The following CENPM variants were observed in gnomAD, a reference collection of about 807,000 sequenced individuals.
The protein encoded by CENPM is centromere protein M.
A neutral mutation model predicts 19.6 loss-of-function variants in CENPM; 14 were observed. The observed-to-expected ratio is 0.71, with a 90% confidence interval of 0.47 to 1.11. The LOEUF is 1.11. Among genes scored for constraint, CENPM ranks in the 50% most tolerant of loss-of-function variants. The probability of loss-of-function intolerance (pLI) is 0.00; values close to 1 mark genes in which losing one functional copy is unlikely to be tolerated. For synonymous variants in CENPM, 114 were observed against 101.5 expected, an observed-to-expected ratio of 1.12 and a Z score of -0.74; for missense variants, 239 against 228.4, an observed-to-expected ratio of 1.05 and a Z score of -0.30.
intron 5 of CENPM, among the ~76,000 whole-genome samples, chr22:41,942,611 C>T (rs941179060): frequency 3.3e-5 from 5 of 152,022 alleles, no homozygotes; most frequent in Admixed American, 1.3e-4. Flanking sequence ...ATTAGCTGGG[C>T]GTGGTGGTGG....
At chr22:41,940,733 C>T (rs2077731836) in intron 5 of CENPM, among the ~76,000 whole-genome samples, 1 of 152,306 alleles carries the variant, frequency 6.6e-6, no homozygotes, top group African/African-American at 2.4e-5. Context: ...GAGCCTAGAA[C>T]AGTGGTCGGT....
intron 4 of CENPM, among the ~76,000 whole-genome samples, chr22:41,944,367 C>T (rs750700041): frequency 1.4e-5 from 2 of 140,334 alleles, no homozygotes; most frequent in South Asian, 2.4e-4. Context: ...ACCAGGGAGA[C>T]GGTGGTTGCG....
chr22:41,932,264 T>C, the CENPM span, among the ~76,000 whole-genome samples: 1 of 152,150 alleles, frequency 6.6e-6, no homozygotes, highest in Non-Finnish European at 1.5e-5. The surrounding 1 kb of genome is among the most constrained non-coding windows in gnomAD (Gnocchi z 4.3). Context: ...CACAAACAAG[T>C]ACAATGCTAC....
At chr22:41,944,187 T>G (rs2077771745) in intron 4 of CENPM, 1 of 971,578 alleles carries the variant, frequency 1.0e-6, no homozygotes. Context: ...CTCAGGCCTG[T>G]AATCCCAGCA....
the CENPM span, among the ~76,000 whole-genome samples, chr22:41,931,314 T>TAA: frequency 7.1e-6 from 1 of 140,408 alleles, no homozygotes. Context: ...ATAAGAAATT[T>TAA]AAAAAAAAAA....
chr22:41,935,639 T>C (rs146823701), downstream of CENPM, among the ~76,000 whole-genome samples: 624 of 152,256 alleles, frequency 4.1e-3, 5 homozygotes, highest in African/African-American at 0.015. Flanking sequence ...CGAGGGGCTT[T>C]TTGCTGCGGG....
Position 41,939,945 on chromosome 22 carries a change from C to T in CENPM, c.403-749G>A, listed in dbSNP as rs180760807. 6.5e-4 allele frequency among the ~76,000 whole-genome samples: 96 copies of T among 147,326 alleles called. 1 individual carries two copies. Among genetic ancestry groups the T allele is most frequent in the African/African-American group, 2.1e-3 (83 of 39,320 alleles). On this transcript the variant is annotated intron_variant, in intron 5 of 5. Transcript: ENST00000215980. Reference sequence around the variant, plus strand: ...GTCTCTCTATTTCTGCCCTAGTTTCCCTTCAGTCCACTCTCCTCCCGGCAG... The same window carrying T: ...GTCTCTCTATTTCTGCCCTAGTTTCTCTTCAGTCCACTCTCCTCCCGGCAG...
At chr22:41,934,013 G>C (rs1439082145), downstream of CENPM, among the ~76,000 whole-genome samples, 1 of 152,258 alleles carries the variant, frequency 6.6e-6, no homozygotes, top group Admixed American at 6.5e-5. Context: ...GGGGCAGGCA[G>C]TGGGGCTTGG....
intron 2 of CENPM, 55 bp from the exon 3 acceptor site, chr22:41,946,060 C>A: frequency 1.4e-6 from 2 of 1,421,924 alleles, no homozygotes; most frequent in South Asian, 2.4e-5. Flanking sequence ...TCATAGCGAC[C>A]GTTTAAATGC....
Position 41,946,024 on chromosome 22 carries a change from C to T in CENPM, c.138-19G>A, listed in dbSNP as rs752962853. The stretch of plus-strand genomic sequence containing the variant: ...CAAGTGGCTGAAAAACAGGAAATTG[C>T]AGGACTCAAGATATCCGTACCCCCC... On this transcript the variant is annotated intron_variant, in intron 2 of 5. Coordinates refer to ENST00000215980, the MANE Select transcript of CENPM (RefSeq NM_024053.5). 2.5e-5 allele frequency: 40 copies of T among 1,601,966 alleles called. No individual in the cohort carries two copies. The highest frequency in any genetic ancestry group is 3.4e-5 in the Non-Finnish European group (40 of 1,169,732).
At chr22:41,945,483 C>G (rs888461614) in intron 3 of CENPM, 179 bp from the exon 4 acceptor site, 64 of 1,269,530 alleles carry the variant, frequency 5.0e-5, no homozygotes, top group Non-Finnish European at 6.0e-5. Flanking sequence ...TGGAGTTTCA[C>G]TTTGTTGCCC....
At chr22:41,934,202 C>CTAGGAAGGTCCTGCCTCCTTGG (rs1240293351), downstream of CENPM, among the ~76,000 whole-genome samples, 5 of 152,174 alleles carry the variant, frequency 3.3e-5, no homozygotes, top group African/African-American at 1.2e-4. Flanking sequence ...CCCCTCCTTG[C>CTAGGAAGGTCCTGCCTCCTTGG]TAGGAAGGTC....
intron 5 of CENPM, among the ~76,000 whole-genome samples, chr22:41,939,966 G>A (rs67516067): frequency 0.12 from 15,001 of 130,054 alleles, 1,714 homozygotes; most frequent in African/African-American, 0.22. Context: ...CTCTCCTCCC[G>A]GCAGCCAGAG....
At chr22:41,941,270 T>G (rs1163687449) in intron 5 of CENPM, among the ~76,000 whole-genome samples, 2 of 151,918 alleles carry the variant, frequency 1.3e-5, no homozygotes, top group Non-Finnish European at 2.9e-5. Flanking sequence ...TGCAGAAGAG[T>G]GTTCTGAAGA....
downstream of CENPM, among the ~76,000 whole-genome samples, chr22:41,935,189 G>C (rs1038746564): frequency 6.6e-6 from 1 of 152,226 alleles, no homozygotes; most frequent in African/African-American, 2.4e-5. Context: ...CTCTTGGCTG[G>C]AGAATGCGAT....
the CENPM span, among the ~76,000 whole-genome samples, chr22:41,932,253 C>T: frequency 6.6e-6 from 1 of 152,216 alleles, no homozygotes; most frequent in East Asian, 1.9e-4. The surrounding 1 kb of genome is among the most constrained non-coding windows in gnomAD (Gnocchi z 4.3). Context: ...TTAAAAGCCC[C>T]CACAAACAAG....
Position 41,941,473 on chromosome 22 carries a change from C to T in CENPM, c.402+2137G>A, listed in dbSNP as rs1485922654. ...TGGCCTGCCACCTCATGGCCACAGA[C>T]AGAATTACACCACTTGTCACAGGGT... is the stretch of plus-strand genomic sequence containing the variant. On this transcript the variant is annotated intron_variant, in intron 5 of 5. Transcript: ENST00000215980. Among the ~76,000 whole-genome samples the T allele has an allele frequency of 3.3e-5, 5 of 152,198 alleles. No homozygotes were observed. The East Asian group carries it at 9.6e-4, about 29-fold the overall frequency.
intron 5 of CENPM, 89 bp downstream of exon 5, chr22:41,943,521 G>T: frequency 8.8e-7 from 1 of 1,141,484 alleles, no homozygotes; most frequent in Non-Finnish European, 1.3e-6. Flanking sequence ...TAAGTCCTTC[G>T]ATAAGCATTC....
At chr22:41,942,644 G>A (rs2077752013) in intron 5 of CENPM, among the ~76,000 whole-genome samples, 1 of 152,004 alleles carries the variant, frequency 6.6e-6, no homozygotes, top group Non-Finnish European at 1.5e-5. Context: ...CCAGCTACTT[G>A]GGAGGCTGAG....
Sources: allele counts gnomAD v4.1 joint callset (sites outside exome capture counted in the v4.1 genomes callset), GRCh38; gene constraint gnomAD v4.1.1; non-coding constraint Gnocchi (gnomAD v3.1); transcripts MANE v1.5; gene names NCBI Gene and HGNC (gene_info 2026-07-23, HGNC 2026-07-21).